PCLO: variants seen among roughly 807,000 people sequenced by gnomAD.
PCLO encodes the protein protein piccolo.
A neutral mutation model predicts 427.5 loss-of-function variants in PCLO; 82 were observed. The ratio of observed to expected loss-of-function variants is 0.19; its 90% CI spans 0.16 to 0.23. The LOEUF is 0.23. PCLO is among the 10% of genes least tolerant of loss of function. The pLI is 1.00. For missense variants in PCLO, 6,239 were observed against 6,115.9 expected (o/e 1.02, Z -0.67); for synonymous variants, 2,357 against 2,155.4 (o/e 1.09, Z -2.59).
At chr7:82,940,732 C>A (rs1036470079) in intron 6 of PCLO, among the ~76,000 whole-genome samples, 8 of 142,718 alleles carry the variant, frequency 5.6e-5, no homozygotes, top group African/African-American at 2.1e-4. Context: ...GTTCTATAAT[C>A]TGCATTAATT....
chr7:82,904,836 A>G (rs1435491096), intron 8 of PCLO, among the ~76,000 whole-genome samples: 1 of 152,042 alleles, frequency 6.6e-6, no homozygotes, highest in African/African-American at 2.4e-5. Context: ...AGGACATCTC[A>G]TACAATCTCC....
At chr7:82,860,983 G>A (rs995646980) in intron 10 of PCLO, among the ~76,000 whole-genome samples, 2 of 151,770 alleles carry the variant, frequency 1.3e-5, no homozygotes, top group African/African-American at 4.8e-5. Context: ...AAAATAAAAA[G>A]CAAAAACTAA....
In PCLO at chr7:82,757,809, CTTT is replaced by C; in HGVS notation, c.*763_*765del. The C allele has an allele frequency of 6.6e-6, 1 of 152,052 alleles. No individual in the cohort carries two copies. The highest frequency in any genetic ancestry group is 2.4e-5 in the African/African-American group (1 of 41,526). 9.4% of individuals were successfully genotyped at this position (152,052 alleles called of 1,614,324 possible). A position where few individuals can be genotyped will look rare whatever the true frequency, so the allele number is the denominator to read the frequency against. ...CAATATTTTATGGGGCAACATTCTT[CTTT>C]GTTAGCCAGTCATAGTTTTATTTCT... On this transcript the variant is annotated 3_prime_UTR_variant, in exon 25 of 25. Coordinates refer to ENST00000333891, the MANE Select transcript of PCLO (RefSeq NM_033026.6).
intron 6 of PCLO, among the ~76,000 whole-genome samples, chr7:82,944,806 G>T (rs777038066): frequency 6.6e-6 from 1 of 152,072 alleles, no homozygotes; most frequent in Non-Finnish European, 1.5e-5. Context: ...CCACATTGCT[G>T]GATATCCACA....
rs1792276989 is a variant in PCLO at position 83,155,763 on chromosome 7, G to T, written c.878C>A (p.Ser293Ter). Reference sequence around the variant, plus strand: ...TGGGCTTGGCAGTGAGGGTTTAACTGATTCTCCCCTTACTATGTCTGCCTG... The same window carrying T: ...TGGGCTTGGCAGTGAGGGTTTAACTTATTCTCCCCTTACTATGTCTGCCTG... ...TKQADIVRGESVKPSLPSPSK... is the reference protein window; with the variant it reads ...TKQADIVRGE Residue 293 changes from serine to a stop codon, truncating the protein, a stop_gained, in exon 2 of 25, where the codon TCA becomes TAA. Transcript: ENST00000333891. LOFTEE classifies it high-confidence loss of function. The T allele has an allele frequency of 6.2e-7, 1 of 1,613,952 alleles. No individual in the cohort carries two copies. The highest frequency in any genetic ancestry group is 1.7e-5 in the Admixed American group (1 of 60,016).
chr7:82,928,626 C>T (rs866444590), intron 6 of PCLO, among the ~76,000 whole-genome samples: 18 of 152,238 alleles, frequency 1.2e-4, no homozygotes, highest in Middle Eastern at 3.4e-3. Flanking sequence ...CCACCCGCCT[C>T]GGCCTCCCAA....
At chr7:82,908,823 AGACTT>A in intron 8 of PCLO, 49 bp downstream of exon 8, 2 of 1,453,602 alleles carry the variant, frequency 1.4e-6, no homozygotes, top group Non-Finnish European at 9.6e-7. Context: ...ATTCTAGGGT[AGACTT>A]GAGTCTTTTT....
At chr7:82,868,487 G>C (rs1367601246) in intron 10 of PCLO, among the ~76,000 whole-genome samples, 1 of 152,208 alleles carries the variant, frequency 6.6e-6, no homozygotes, top group Middle Eastern at 3.2e-3. Flanking sequence ...AAGAAGAAGA[G>C]CAAGCTAGCT....
chr7:82,972,595 C>A (rs1196873307), intron 3 of PCLO, among the ~76,000 whole-genome samples: 1 of 151,942 alleles, frequency 6.6e-6, no homozygotes, highest in African/African-American at 2.4e-5. Flanking sequence ...AATTAAATTT[C>A]ATTAAAGGTC....
chr7:82,768,686 T>C (rs898405541), intron 22 of PCLO, among the ~76,000 whole-genome samples: 3 of 152,130 alleles, frequency 2.0e-5, no homozygotes, highest in Non-Finnish European at 4.4e-5. Flanking sequence ...AACTGTCAAA[T>C]TGGCTTATTT....
chr7:82,871,136 T>C (rs553093585), intron 10 of PCLO, among the ~76,000 whole-genome samples: 2 of 152,068 alleles, frequency 1.3e-5, no homozygotes, highest in South Asian at 2.1e-4. Context: ...GAAATAAGTA[T>C]ATAGAAGAGA....
At chr7:83,156,419 AAT>A (rs59705796) in intron 1 of PCLO, 27 bp from the exon 2 acceptor site, 2 of 1,297,384 alleles carry the variant, frequency 1.5e-6, no homozygotes, top group African/African-American at 1.5e-5. Flanking sequence ...AAAAAAAAAA[AAT>A]CAAGTGAAAA....
chr7:82,796,087 C>T (rs370844972), intron 22 of PCLO, among the ~76,000 whole-genome samples: 57 of 152,220 alleles, frequency 3.7e-4, no homozygotes, highest in South Asian at 2.3e-3. Flanking sequence ...TGTGCTAAGA[C>T]GAAGAAATAC....
At chr7:83,036,580 T>TG (rs1209671345) in intron 3 of PCLO, among the ~76,000 whole-genome samples, 7 of 152,066 alleles carry the variant, frequency 4.6e-5, no homozygotes, top group Non-Finnish European at 1.0e-4. Context: ...AACCTATAGA[T>TG]GCAAATATCC....
chr7:82,810,526 T>C (rs1230035462), intron 20 of PCLO, among the ~76,000 whole-genome samples: 3 of 151,676 alleles, frequency 2.0e-5, no homozygotes, highest in Non-Finnish European at 4.4e-5. Flanking sequence ...GAAAGGGTCC[T>C]GTGCCCTAAA....
intron 10 of PCLO, among the ~76,000 whole-genome samples, chr7:82,870,594 A>C (rs1793209695): frequency 6.6e-6 from 1 of 151,976 alleles, no homozygotes. Context: ...AAATGGGATT[A>C]CGTCAACCTA....
chr7:82,911,598 A>C (rs1794322840), intron 7 of PCLO, among the ~76,000 whole-genome samples: 1 of 152,104 alleles, frequency 6.6e-6, no homozygotes, highest in Non-Finnish European at 1.5e-5. Flanking sequence ...TTTTAAAAAG[A>C]CAGTATATAC....
chr7:83,097,573 T>A (rs1225583194), intron 3 of PCLO, among the ~76,000 whole-genome samples: 2 of 147,810 alleles, frequency 1.4e-5, no homozygotes, highest in South Asian at 2.1e-4. Flanking sequence ...ATATATATAT[T>A]TTATTTGTAT....
At chr7:82,896,787 G>C (rs1793915121) in intron 9 of PCLO, among the ~76,000 whole-genome samples, 1 of 151,590 alleles carries the variant, frequency 6.6e-6, no homozygotes, top group Non-Finnish European at 1.5e-5. Context: ...GGTGACTAAT[G>C]CAGAAAAGAA....
Sources: allele counts gnomAD v4.1 joint callset (sites outside exome capture counted in the v4.1 genomes callset), GRCh38; gene constraint gnomAD v4.1.1; transcripts MANE v1.5; gene names NCBI Gene and HGNC (gene_info 2026-07-23, HGNC 2026-07-21).